Variants in CHD9 observed in about 807,000 individuals in gnomAD.
CHD9 encodes the protein chromodomain helicase DNA binding protein 9.
Under a neutral mutation model 316.1 loss-of-function variants are expected in CHD9, and 77 were observed. That is an observed-to-expected ratio of 0.24 (90% CI 0.20 to 0.29). The LOEUF is 0.29. Among genes scored for constraint, CHD9 ranks in the 10% least tolerant of loss-of-function variants. The pLI is 1.00. For synonymous variants in CHD9, 1,129 were observed against 1,158.3 expected, an observed-to-expected ratio of 0.97 and a Z score of 0.51; for missense variants, 2,763 against 3,438.1, an observed-to-expected ratio of 0.80 and a Z score of 4.91.
At position 53,324,978 on chromosome 16, in the gene CHD9, C is replaced by T. The variant is rs560478942; in HGVS notation, c.*83C>T. ...ATTGTAAATACCCCAGTGTTGAGTG[C>T]ATCAATAACTTACTGACCGAACATT... On this transcript the variant is annotated 3_prime_UTR_variant, in exon 39 of 39. Coordinates refer to ENST00000447540, the MANE Select transcript of CHD9 (RefSeq NM_001308319.2). 8.4e-5 allele frequency: 97 copies of T among 1,160,502 alleles called. No homozygotes were observed. In the Admixed American group the frequency reaches 2.8e-3, roughly 33 times the overall value. The allele number at this position is 1,160,502 out of a possible 1,614,324, so 71.9% of individuals were successfully genotyped here.
In CHD9 at chr16:53,286,341, T is replaced by C. The variant is rs2053872504; in HGVS notation, c.5187T>C (p.Asp1729=). The C allele has an allele frequency of 2.0e-6, 3 of 1,536,566 alleles. No homozygotes were observed. The highest frequency in any genetic ancestry group is 1.7e-5 in the Admixed American group (1 of 59,592). Residue 1729 remains aspartate, a splice_region_variant and synonymous_variant, in exon 26 of 39, where the codon GAT becomes GAC. Coordinates refer to ENST00000447540, the MANE Select transcript of CHD9 (RefSeq NM_001308319.2). ...AACAGAGAGCGAATGATTATATGGA[T>C]GGGTATGTGTGTTTCAGAGTCATGA... ...AAEQRANDYM[D]GDVEDPEYKP...
chr16:53,146,419 G>GTGTGTGTGTGTGTGTATATATATA (rs1555492145), intron 1 of CHD9, among the ~76,000 whole-genome samples: 1 of 76,714 alleles, frequency 1.3e-5, no homozygotes, highest in African/African-American at 5.9e-5. Flanking sequence ...GTGTGTGTAT[G>GTGTGTGTGTGTGTGTATATATATA]TATATATATA....
At chr16:53,233,956 A>G (rs536968638) in intron 10 of CHD9, among the ~76,000 whole-genome samples, 2 of 152,292 alleles carry the variant, frequency 1.3e-5, no homozygotes, top group African/African-American at 4.8e-5. Context: ...ATTTGGGGCC[A>G]GGATAATGTT....
chr16:53,323,015 G>C (rs1326611417), intron 38 of CHD9, among the ~76,000 whole-genome samples: 2 of 152,082 alleles, frequency 1.3e-5, no homozygotes, highest in Non-Finnish European at 2.9e-5. Context: ...AACAATAGTC[G>C]AATGAGTCTT....
At chr16:53,241,584 T>C (rs2049099524) in intron 12 of CHD9, among the ~76,000 whole-genome samples, 1 of 152,220 alleles carries the variant, frequency 6.6e-6, no homozygotes, top group South Asian at 2.1e-4. Context: ...CCAAAACTAC[T>C]TCTTTTTAGT....
At chr16:53,080,879 A>T (rs2034958760) in intron 1 of CHD9, among the ~76,000 whole-genome samples, 1 of 152,106 alleles carries the variant, frequency 6.6e-6, no homozygotes, top group Admixed American at 6.5e-5. Flanking sequence ...AGGAAATAAC[A>T]TGCCCGGCTC....
chr16:53,245,851 GTAGC>G lies in CHD9; in HGVS notation c.3454+4_3454+7del. ...TGTAATCATCCATATCTTATAAAAGGTAGCTAAAAAAGATTACAACAAATATGTT... is the reference window on the plus strand; with the variant it reads ...TGTAATCATCCATATCTTATAAAAGGTAAAAAAGATTACAACAAATATGTT... On this transcript the variant is annotated splice_donor_variant and splice_donor_5th_base_variant and intron_variant, in intron 15 of 38. Coordinates refer to ENST00000447540, the MANE Select transcript of CHD9 (RefSeq NM_001308319.2). LOFTEE classifies it high-confidence loss of function. This position sits in a 1 kb window ranked among gnomAD's most constrained non-coding sequence, Gnocchi z 4.1. The G allele has an allele frequency of 6.7e-7, 1 of 1,487,068 alleles. No individual in the cohort carries two copies. Among genetic ancestry groups the G allele is most frequent in the Non-Finnish European group, 8.9e-7 (1 of 1,118,758 alleles). The allele number at this position is 1,487,068 out of a possible 1,614,324, so 92.1% of individuals were successfully genotyped here. A position where few individuals can be genotyped will look rare whatever the true frequency, so the allele number is the denominator to read the frequency against.
chr16:53,213,761 T>C (rs1472029801), intron 3 of CHD9, among the ~76,000 whole-genome samples: 1 of 152,230 alleles, frequency 6.6e-6, no homozygotes, highest in African/African-American at 2.4e-5. Flanking sequence ...TTAAATTATG[T>C]TTCCATGTTG....
At position 53,245,300 on chromosome 16, in the gene CHD9, G is replaced by T. The variant is rs1265865142; in HGVS notation, c.3055-36G>T. 1 of 1,457,622 alleles carries T rather than the reference G, an allele frequency of 6.9e-7. No homozygotes were observed. Among genetic ancestry groups the T allele is most frequent in the Non-Finnish European group, 9.1e-7 (1 of 1,103,286 alleles). The allele number at this position is 1,457,622 out of a possible 1,614,324, so 90.3% of individuals were successfully genotyped here. The stretch of plus-strand genomic sequence containing the variant: ...TCAGCTTTCATATAATTTTAGTACT[G>T]TGATGTTTGATGTGAATTGTTCTCA... On this transcript the variant is annotated intron_variant, in intron 13 of 38. Transcript: ENST00000447540. This position sits in a 1 kb window ranked among gnomAD's most constrained non-coding sequence, Gnocchi z 4.1.
intron 3 of CHD9, among the ~76,000 whole-genome samples, chr16:53,211,509 A>G (rs1395565219): frequency 6.6e-6 from 1 of 152,190 alleles, no homozygotes; most frequent in Non-Finnish European, 1.5e-5. Context: ...AAAATCGATA[A>G]GAATTGTACT....
chr16:53,301,523 T>C (rs1461422124), intron 30 of CHD9, among the ~76,000 whole-genome samples: 1 of 152,222 alleles, frequency 6.6e-6, no homozygotes, highest in African/African-American at 2.4e-5. Flanking sequence ...TACTTCTGTT[T>C]CTTAAGTAGC....
chr16:53,279,343 C>T (rs2053181934), intron 24 of CHD9, among the ~76,000 whole-genome samples: 1 of 151,688 alleles, frequency 6.6e-6, no homozygotes, highest in African/African-American at 2.4e-5. Flanking sequence ...GGGAACATCA[C>T]ACACTGGGGC....
At chr16:53,318,890 T>G (rs767047798) in intron 37 of CHD9, among the ~76,000 whole-genome samples, 3 of 152,218 alleles carry the variant, frequency 2.0e-5, no homozygotes, top group Non-Finnish European at 4.4e-5. Flanking sequence ...CAATTTTCTG[T>G]CAGATGACCT....
intron 1 of CHD9, among the ~76,000 whole-genome samples, chr16:53,127,151 A>T (rs1383073861): frequency 6.6e-6 from 1 of 150,732 alleles, no homozygotes; most frequent in Admixed American, 6.6e-5. Flanking sequence ...TTGCAGAGAT[A>T]AGGTTTTACC....
chr16:53,152,578 C>G (rs1284808775), intron 1 of CHD9, among the ~76,000 whole-genome samples: 2 of 152,074 alleles, frequency 1.3e-5, no homozygotes, highest in East Asian at 3.8e-4. Flanking sequence ...GTAAGGATTT[C>G]AGTTTTTCAT....
intron 2 of CHD9, among the ~76,000 whole-genome samples, chr16:53,166,956 C>T (rs996253289): frequency 6.6e-6 from 1 of 152,102 alleles, no homozygotes; most frequent in Non-Finnish European, 1.5e-5. Flanking sequence ...TCACTCTATC[C>T]TCATATGCAA....
chr16:53,270,719 T>C (rs995835776), intron 22 of CHD9, among the ~76,000 whole-genome samples: 3 of 152,122 alleles, frequency 2.0e-5, no homozygotes, highest in South Asian at 2.1e-4. Flanking sequence ...GAGGCAAATA[T>C]ATTAGTGGTA....
chr16:53,070,483 T>TC lies in CHD9; in HGVS notation c.-165+15407dup, dbSNP rs1287888423. Reference sequence around the variant, plus strand: ...CACGAGTAGCATGTCTTTCTTTCTTTCTTTCTTTCCTTCCTTCCTTCCTTC... The same window carrying TC: ...CACGAGTAGCATGTCTTTCTTTCTTTCCTTTCTTTCCTTCCTTCCTTCCTTC... On this transcript the variant is annotated intron_variant, in intron 1 of 38. Coordinates refer to ENST00000447540, the MANE Select transcript of CHD9 (RefSeq NM_001308319.2). Among the ~76,000 whole-genome samples the TC allele has an allele frequency of 1.1e-3, 158 of 149,430 alleles. 1 individual carries two copies. Among genetic ancestry groups the TC allele is most frequent in the African/African-American group, 3.2e-3 (128 of 39,682 alleles).
At chr16:53,231,387 C>A in intron 8 of CHD9, 32 bp from the exon 9 acceptor site, 1 of 1,234,682 alleles carries the variant, frequency 8.1e-7, no homozygotes, top group Non-Finnish European at 1.2e-6. Context: ...AGTTCTTTGT[C>A]AGATGTCAAT....
Sources: gnomAD v4.1 joint callset for allele counts (sites outside exome capture counted in the v4.1 genomes callset) on GRCh38, gnomAD v4.1.1 for gene constraint, Gnocchi (gnomAD v3.1) non-coding constraint, MANE v1.5 for transcripts, NCBI Gene and HGNC (gene_info 2026-07-23, HGNC 2026-07-21) for gene names.